ROBO1: variants seen among roughly 807,000 people sequenced by gnomAD.
The protein encoded by ROBO1 is roundabout guidance receptor 1.
A neutral mutation model predicts 195.9 loss-of-function variants in ROBO1; 149 were observed. The observed-to-expected ratio is 0.76, with a 90% CI of 0.67 to 0.87. The LOEUF is 0.87. ROBO1 is among the 40% of genes least tolerant of loss of function. The probability of loss-of-function intolerance (pLI) is 0.00; values close to 1 mark genes in which losing one functional copy is unlikely to be tolerated. For synonymous variants in ROBO1, 816 were observed against 733.2 expected, an observed-to-expected ratio of 1.11 and a Z score of -1.82; for missense variants, 1,933 against 2,068.3, an observed-to-expected ratio of 0.93 and a Z score of 1.27.
rs560097282 is a variant in ROBO1, at chr3:79,303,102, T to A, written c.89-177563A>T. Among the ~76,000 whole-genome samples, 6 of 152,116 alleles carry A rather than the reference T, an allele frequency of 3.9e-5. No individual in the cohort carries two copies. In the South Asian group the frequency reaches 1.0e-3, roughly 26 times the overall value. ...ATGTATAACATAATGTTTTAAAGTG[T>A]ATCTACATTGCGGACTGACTAACTC... On this transcript the variant is annotated intron_variant, in intron 2 of 30. Transcript: ENST00000464233.
intron 8 of ROBO1, among the ~76,000 whole-genome samples, chr3:78,698,846 T>C (rs2081357414): frequency 6.6e-6 from 1 of 152,202 alleles, no homozygotes; most frequent in Admixed American, 6.5e-5. Context: ...GTACTCTTGC[T>C]CTTATTCTTC....
At chr3:79,532,709 A>T (rs547616334) in intron 2 of ROBO1, among the ~76,000 whole-genome samples, 1 of 152,314 alleles carries the variant, frequency 6.6e-6, no homozygotes, top group African/African-American at 2.4e-5. Flanking sequence ...GCTATTGTCA[A>T]AAAGCAAACA....
intron 1 of ROBO1, among the ~76,000 whole-genome samples, chr3:79,622,071 A>G (rs1945025653): frequency 6.6e-6 from 1 of 152,162 alleles, no homozygotes. Context: ...AAGGAAGAAC[A>G]GTGTGGTTTG....
intron 2 of ROBO1, among the ~76,000 whole-genome samples, chr3:79,129,477 AAC>A (rs1479479619): frequency 6.6e-6 from 1 of 152,112 alleles, no homozygotes; most frequent in Non-Finnish European, 1.5e-5. Flanking sequence ...ACAATCTTAA[AAC>A]AGTCTTTCAC....
chr3:79,379,936 G>A (rs2036514601), intron 2 of ROBO1, among the ~76,000 whole-genome samples: 1 of 152,138 alleles, frequency 6.6e-6, no homozygotes, highest in African/African-American at 2.4e-5. Flanking sequence ...GTTTAACCCT[G>A]TATTATATAA....
intron 4 of ROBO1, among the ~76,000 whole-genome samples, chr3:78,768,526 T>C (rs1225984013): frequency 6.6e-6 from 1 of 152,094 alleles, no homozygotes; most frequent in Non-Finnish European, 1.5e-5. Flanking sequence ...ATTATTAGCA[T>C]GGTTTGATGT....
chr3:79,541,706 T>C (rs181743998), intron 2 of ROBO1, among the ~76,000 whole-genome samples: 4 of 151,884 alleles, frequency 2.6e-5, no homozygotes, highest in Admixed American at 1.3e-4. Flanking sequence ...GTGACATCTA[T>C]AAGATAGTTA....
intron 19 of ROBO1, 121 bp downstream of exon 19, chr3:78,651,611 A>T: frequency 1.4e-6 from 1 of 714,892 alleles, no homozygotes. Context: ...CACTTTTGAA[A>T]ATCTTTATAT....
chr3:79,596,925 A>G (rs1944191296), intron 1 of ROBO1, among the ~76,000 whole-genome samples: 1 of 152,032 alleles, frequency 6.6e-6, no homozygotes, highest in South Asian at 2.1e-4. Flanking sequence ...TATAGCATGT[A>G]TGGTGAATGG....
At chr3:79,673,466 G>A (rs934758199) in intron 1 of ROBO1, among the ~76,000 whole-genome samples, 1 of 151,962 alleles carries the variant, frequency 6.6e-6, no homozygotes, top group African/African-American at 2.4e-5. Flanking sequence ...TGGAACTTGA[G>A]CATCATGAAT....
At chr3:78,623,273 GGAT>G in intron 26 of ROBO1, among the ~76,000 whole-genome samples, 1 of 152,130 alleles carries the variant, frequency 6.6e-6, no homozygotes, top group East Asian at 1.9e-4. Flanking sequence ...TTACTGAGGA[GGAT>G]CTGCCATTTA....
At chr3:79,541,825 G>A (rs1027341457) in intron 2 of ROBO1, among the ~76,000 whole-genome samples, 3 of 101,926 alleles carry the variant, frequency 2.9e-5, no homozygotes, top group Admixed American at 8.8e-5. Context: ...GTGTGTGTGT[G>A]TGTGTATATA....
intron 1 of ROBO1, among the ~76,000 whole-genome samples, chr3:79,689,352 C>T (rs1346666172): frequency 6.6e-6 from 1 of 152,056 alleles, no homozygotes; most frequent in African/African-American, 2.4e-5. Flanking sequence ...GCTTTGGAAC[C>T]TTAGAAACAA....
At chr3:79,706,742 C>T (rs780093784) in intron 1 of ROBO1, among the ~76,000 whole-genome samples, 28 of 152,202 alleles carry the variant, frequency 1.8e-4, no homozygotes, top group Non-Finnish European at 3.5e-4. Context: ...CCTTGCCTTC[C>T]ACCATGATTG....
intron 4 of ROBO1, among the ~76,000 whole-genome samples, chr3:78,763,457 C>T (rs2083155074): frequency 1.6e-4 from 25 of 152,072 alleles, no homozygotes; most frequent in Admixed American, 1.6e-3. Context: ...CCTTAATCTT[C>T]CATATTATAA....
At chr3:79,669,147 C>T (rs937731792) in intron 1 of ROBO1, among the ~76,000 whole-genome samples, 17 of 151,704 alleles carry the variant, frequency 1.1e-4, no homozygotes, top group African/African-American at 3.6e-4. Context: ...ATCATGGGAG[C>T]GGGTCTTTCC....
rs575077712 is a variant in ROBO1 at position 78,946,731 on chromosome 3, T to C, written c.173-7804A>G. Among the ~76,000 whole-genome samples the C allele has an allele frequency of 2.3e-4, 35 of 152,110 alleles. 1 individual carries two copies. Among genetic ancestry groups the C allele is most frequent in the African/African-American group, 7.7e-4 (32 of 41,506 alleles). On this transcript the variant is annotated intron_variant, in intron 3 of 30. Transcript: ENST00000464233. ...CAATTAAAAGACACAGACTGACAAA[T>C]TGGATAAAGAGTCAAGACCCATCAG... is the stretch of plus-strand genomic sequence containing the variant.
At chr3:79,692,197 A>G (rs539386724) in intron 1 of ROBO1, among the ~76,000 whole-genome samples, 9 of 152,068 alleles carry the variant, frequency 5.9e-5, no homozygotes, top group African/African-American at 2.2e-4. Flanking sequence ...AAAAGTAACT[A>G]TACTTTTAGA....
intron 1 of ROBO1, among the ~76,000 whole-genome samples, chr3:79,723,518 C>T (rs1367829328): frequency 2.6e-5 from 4 of 152,018 alleles, no homozygotes; most frequent in Non-Finnish European, 5.9e-5. Flanking sequence ...AAAATTATCC[C>T]CTACTCCCTA....
Sources: gnomAD v4.1 joint callset for allele counts (sites outside exome capture counted in the v4.1 genomes callset) on GRCh38, gnomAD v4.1.1 for gene constraint, MANE v1.5 for transcripts, NCBI Gene and HGNC (gene_info 2026-07-23, HGNC 2026-07-21) for gene names.